The following PPP2R5E variants were observed in gnomAD, a reference collection of about 807,000 sequenced individuals.
PPP2R5E encodes the protein protein phosphatase 2 regulatory subunit B'epsilon, also known as serine/threonine-protein phosphatase 2A 56 kDa regulatory subunit epsilon isoform.
Under a neutral mutation model 65.3 loss-of-function variants are expected in PPP2R5E, and 4 were observed. That is an observed-to-expected ratio of 0.06 (90% confidence interval 0.03 to 0.14). The LOEUF is 0.14. Ranked by LOEUF, PPP2R5E falls within the 10% of genes least tolerant of loss-of-function variation. The pLI, the probability that PPP2R5E is intolerant of heterozygous loss-of-function variation, is 1.00. For missense variants in PPP2R5E, 274 were observed against 556.1 expected (o/e 0.49, Z 5.10); for synonymous variants, 183 against 187.4 (o/e 0.98, Z 0.19).
At chr14:63,521,796 T>G (rs980553268) in intron 2 of PPP2R5E, among the ~76,000 whole-genome samples, 1 of 152,186 alleles carries the variant, frequency 6.6e-6, no homozygotes, top group South Asian at 2.1e-4. Flanking sequence ...CCTGTTTCAA[T>G]CTGCTTTCCA....
At chr14:63,420,945 T>C (rs1267751595) in intron 4 of PPP2R5E, among the ~76,000 whole-genome samples, 1 of 123,650 alleles carries the variant, frequency 8.1e-6, no homozygotes, top group African/African-American at 3.6e-5. Flanking sequence ...CCCAGCTACT[T>C]GGGAGGCTGA....
chr14:63,503,826 C>T (rs1380887330), intron 2 of PPP2R5E, among the ~76,000 whole-genome samples: 1 of 152,106 alleles, frequency 6.6e-6, no homozygotes, highest in Non-Finnish European at 1.5e-5. Flanking sequence ...GTGAGGAAAA[C>T]CATTTGGAAA....
At chr14:63,538,252 C>T (rs1893753811) in intron 2 of PPP2R5E, among the ~76,000 whole-genome samples, 1 of 144,634 alleles carries the variant, frequency 6.9e-6, no homozygotes, top group South Asian at 2.2e-4. Context: ...GAGCCCCAAC[C>T]TGCACTTTCT....
intron 2 of PPP2R5E, among the ~76,000 whole-genome samples, chr14:63,522,269 G>A (rs1294044510): frequency 1.3e-5 from 2 of 152,080 alleles, no homozygotes; most frequent in African/African-American, 4.8e-5. Flanking sequence ...AGGCTGGAGT[G>A]CAGTGGCGTG....
chr14:63,381,760 G>A (rs10134017), intron 13 of PPP2R5E, among the ~76,000 whole-genome samples: 280 of 152,290 alleles, frequency 1.8e-3, no homozygotes, highest in African/African-American at 6.4e-3. Context: ...AATTGGCTAC[G>A]GTATTCACCA....
chr14:63,393,797 G>T, intron 8 of PPP2R5E, 23 bp downstream of exon 8: 1 of 1,423,966 alleles, frequency 7.0e-7, no homozygotes, highest in Non-Finnish European at 9.8e-7. Flanking sequence ...GCTTCTAAAA[G>T]TAGTTGTACA....
intron 4 of PPP2R5E, among the ~76,000 whole-genome samples, chr14:63,420,246 G>T (rs1886929778): frequency 6.6e-6 from 1 of 152,120 alleles, no homozygotes; most frequent in Non-Finnish European, 1.5e-5. Flanking sequence ...TGAGGAGATC[G>T]TCTTTTTGTT....
intron 3 of PPP2R5E, among the ~76,000 whole-genome samples, chr14:63,431,307 A>T (rs1393653493): frequency 6.6e-6 from 1 of 152,078 alleles, no homozygotes; most frequent in Non-Finnish European, 1.5e-5. Flanking sequence ...AATTCTAAGG[A>T]TCAGAAATTT....
At chr14:63,387,656 T>A (rs750663079) in intron 11 of PPP2R5E, among the ~76,000 whole-genome samples, 1 of 152,056 alleles carries the variant, frequency 6.6e-6, no homozygotes, top group Non-Finnish European at 1.5e-5. Flanking sequence ...TTCTGCCAAA[T>A]AATTTAAAAT....
chr14:63,470,418 G>A (rs1327093321), intron 2 of PPP2R5E, among the ~76,000 whole-genome samples: 1 of 148,196 alleles, frequency 6.7e-6, no homozygotes, highest in Non-Finnish European at 1.5e-5. Context: ...AAGGCACACA[G>A]TATTCCACAA....
At chr14:63,488,965 C>G (rs772092055) in intron 2 of PPP2R5E, among the ~76,000 whole-genome samples, 4 of 151,640 alleles carry the variant, frequency 2.6e-5, no homozygotes, top group Non-Finnish European at 4.4e-5. Context: ...ACCAAAAAGA[C>G]CTAAAGAATC....
chr14:63,539,293 C>T (rs1372819340), intron 2 of PPP2R5E, among the ~76,000 whole-genome samples: 3 of 152,168 alleles, frequency 2.0e-5, no homozygotes, highest in African/African-American at 7.2e-5. Context: ...TTTACCTACT[C>T]ATCAATGTGA....
chr14:63,511,073 C>T (rs1683816123), intron 2 of PPP2R5E, among the ~76,000 whole-genome samples: 1 of 152,222 alleles, frequency 6.6e-6, no homozygotes, highest in Non-Finnish European at 1.5e-5. Context: ...TTCTTTCCCT[C>T]CTTGTGTTCA....
At chr14:63,438,775 G>C (rs762344931) in intron 3 of PPP2R5E, among the ~76,000 whole-genome samples, 1 of 152,080 alleles carries the variant, frequency 6.6e-6, no homozygotes, top group South Asian at 2.1e-4. Context: ...CCTCTCTTTA[G>C]CACATTTAAA....
chr14:63,433,380 T>C (rs2139931504), intron 3 of PPP2R5E, among the ~76,000 whole-genome samples: 1 of 152,236 alleles, frequency 6.6e-6, no homozygotes, highest in South Asian at 2.1e-4. Flanking sequence ...TGGCACCAGT[T>C]GACTAGTGGG....
Position 63,446,828 on chromosome 14 carries a change from CAAAAAAAA to C in PPP2R5E, c.354+6853_354+6860del, listed in dbSNP as rs55892835. ...TGGGGGACAGAGTGAGACTCCATCT[CAAAAAAAA>C]AAAAAAAAAAAGAAAAAGAAAACAA... On this transcript the variant is annotated intron_variant, in intron 3 of 13. Coordinates refer to ENST00000337537, the MANE Select transcript of PPP2R5E (RefSeq NM_006246.5). Among the ~76,000 whole-genome samples the C allele has an allele frequency of 7.5e-4, 69 of 92,154 alleles. 1 individual carries two copies. Among genetic ancestry groups the C allele is most frequent in the Admixed American group, 1.0e-3 (9 of 8,630 alleles). The allele number at this position is 92,154 out of a possible 152,430, so 60.5% of individuals were successfully genotyped here.
At chr14:63,407,772 A>T (rs1416523818) in intron 5 of PPP2R5E, among the ~76,000 whole-genome samples, 1 of 152,212 alleles carries the variant, frequency 6.6e-6, no homozygotes, top group African/African-American at 2.4e-5. Context: ...TGTTGAGGTC[A>T]TAAGGGCTCT....
At chr14:63,444,547 T>C (rs1229811191) in intron 3 of PPP2R5E, among the ~76,000 whole-genome samples, 1 of 151,878 alleles carries the variant, frequency 6.6e-6, no homozygotes, top group Non-Finnish European at 1.5e-5. Flanking sequence ...ACTAAAACAA[T>C]GTCTTCACCC....
intron 1 of PPP2R5E, among the ~76,000 whole-genome samples, chr14:63,541,496 C>G (rs1893903771): frequency 6.6e-6 from 1 of 152,238 alleles, no homozygotes; most frequent in Non-Finnish European, 1.5e-5. Context: ...AAGCGTTAAG[C>G]TTAATTTCAT....
Sources: gnomAD v4.1 joint callset for allele counts (sites outside exome capture counted in the v4.1 genomes callset) on GRCh38, gnomAD v4.1.1 for gene constraint, MANE v1.5 for transcripts, NCBI Gene and HGNC (gene_info 2026-07-23, HGNC 2026-07-21) for gene names.